Variants in PRKCE observed in about 807,000 individuals in gnomAD.
PRKCE encodes protein kinase C epsilon, also known as protein kinase C epsilon type.
A neutral mutation model predicts 85.4 loss-of-function variants in PRKCE; 16 were observed. The observed-to-expected ratio is 0.19, with a 90% CI of 0.13 to 0.28. The LOEUF (loss-of-function observed/expected upper bound fraction) is 0.28, where lower values mean the gene tolerates loss of function less well. PRKCE is among the 10% of genes least tolerant of loss of function. PRKCE has a pLI of 1.00. For synonymous variants in PRKCE, 388 were observed against 371.5 expected (o/e 1.04, Z -0.51); for missense variants, 573 against 975.2 (o/e 0.59, Z 5.49).
intron 9 of PRKCE, 48 bp downstream of exon 9, chr2:46,007,709 G>A (rs139134827): frequency 1.3e-6 from 2 of 1,553,306 alleles, no homozygotes; most frequent in African/African-American, 1.4e-5. Context: ...CTACTCCTTA[G>A]CATTGTTTCG....
chr2:45,842,718 T>C (rs1691454541), intron 1 of PRKCE, among the ~76,000 whole-genome samples: 1 of 152,184 alleles, frequency 6.6e-6, no homozygotes, highest in African/African-American at 2.4e-5. Flanking sequence ...AGCAGCACTC[T>C]CTCTCTCTCC....
At chr2:45,742,853 C>G (rs1368272311) in intron 1 of PRKCE, among the ~76,000 whole-genome samples, 1 of 152,188 alleles carries the variant, frequency 6.6e-6, no homozygotes, top group Non-Finnish European at 1.5e-5. Flanking sequence ...TTCACTGCAG[C>G]ATTATTTACA....
intron 1 of PRKCE, among the ~76,000 whole-genome samples, chr2:45,725,097 A>G (rs559606338): frequency 3.3e-5 from 5 of 152,242 alleles, no homozygotes; most frequent in Non-Finnish European, 7.3e-5. Context: ...TTAGGGGCTA[A>G]CACAGCTGGT....
At chr2:46,179,034 G>A (rs1014746339) in intron 14 of PRKCE, among the ~76,000 whole-genome samples, 2 of 152,160 alleles carry the variant, frequency 1.3e-5, no homozygotes, top group African/African-American at 4.8e-5. Flanking sequence ...ACCCCATGAG[G>A]CAGAGGACCT....
chr2:46,029,185 C>G (rs914393502), intron 10 of PRKCE, among the ~76,000 whole-genome samples: 1 of 152,106 alleles, frequency 6.6e-6, no homozygotes, highest in Non-Finnish European at 1.5e-5. Context: ...TTAATCTTTG[C>G]AATAGTCCTG....
intron 11 of PRKCE, among the ~76,000 whole-genome samples, chr2:46,098,826 G>A (rs1574467649): frequency 6.6e-6 from 1 of 151,960 alleles, no homozygotes; most frequent in African/African-American, 2.4e-5. Flanking sequence ...ACAAGTGGCA[G>A]CTTTGCCGTG....
chr2:45,958,189 G>A (rs145476000), intron 2 of PRKCE, among the ~76,000 whole-genome samples: 3,175 of 35,954 alleles, frequency 0.088, 58 homozygotes, highest in Admixed American at 0.12. Flanking sequence ...TATTAGGCCC[G>A]CAAAAAAAAA....
At chr2:45,926,407 A>G (rs1341075853) in intron 2 of PRKCE, among the ~76,000 whole-genome samples, 2 of 152,154 alleles carry the variant, frequency 1.3e-5, no homozygotes, top group Non-Finnish European at 2.9e-5. Context: ...GAAATCAGTG[A>G]GTTAGGTGAG....
chr2:46,137,216 G>A (rs1488805356), intron 11 of PRKCE, among the ~76,000 whole-genome samples: 1 of 152,190 alleles, frequency 6.6e-6, no homozygotes, highest in Non-Finnish European at 1.5e-5. Context: ...ACCTTATCCA[G>A]CTGGTAAGTG....
chr2:46,002,351 A>G (rs1704760317), intron 7 of PRKCE, among the ~76,000 whole-genome samples: 1 of 152,244 alleles, frequency 6.6e-6, no homozygotes, highest in Non-Finnish European at 1.5e-5. Context: ...AGTGGCGAAC[A>G]TCCTCAAGCC....
intron 1 of PRKCE, among the ~76,000 whole-genome samples, chr2:45,782,505 G>A (rs1034595865): frequency 5.3e-5 from 8 of 152,196 alleles, no homozygotes; most frequent in African/African-American, 1.2e-4. Flanking sequence ...TATCCCACAC[G>A]CGTCATAAAT....
chr2:45,988,314 A>G (rs1354805473), intron 6 of PRKCE, among the ~76,000 whole-genome samples: 1 of 152,222 alleles, frequency 6.6e-6, no homozygotes, highest in Non-Finnish European at 1.5e-5. Context: ...GGAGGGATCC[A>G]TGAGACTGTC....
intron 2 of PRKCE, among the ~76,000 whole-genome samples, chr2:45,900,952 C>T (rs1696532801): frequency 1.3e-5 from 2 of 152,270 alleles, no homozygotes; most frequent in Middle Eastern, 3.4e-3. Context: ...TAAGGCAATA[C>T]AGGTACTGTA....
At chr2:45,861,090 A>G (rs1032867965) in intron 2 of PRKCE, among the ~76,000 whole-genome samples, 1 of 152,180 alleles carries the variant, frequency 6.6e-6, no homozygotes, top group Non-Finnish European at 1.5e-5. Flanking sequence ...GCTTTTCAGG[A>G]AATCAGAACT....
intron 2 of PRKCE, among the ~76,000 whole-genome samples, chr2:45,890,253 C>G (rs1695622270): frequency 6.6e-6 from 1 of 152,148 alleles, no homozygotes; most frequent in Non-Finnish European, 1.5e-5. Context: ...TTAGTTATTA[C>G]CCATGGCCAG....
intron 1 of PRKCE, among the ~76,000 whole-genome samples, chr2:45,724,315 G>A (rs1388561579): frequency 6.6e-6 from 1 of 152,138 alleles, no homozygotes; most frequent in Non-Finnish European, 1.5e-5. Flanking sequence ...ATATAAGATG[G>A]TGAACTTAAT....
At chr2:45,967,543 A>G (rs1701814618) in intron 2 of PRKCE, among the ~76,000 whole-genome samples, 1 of 152,188 alleles carries the variant, frequency 6.6e-6, no homozygotes, top group Non-Finnish European at 1.5e-5. Flanking sequence ...ATCAACCATT[A>G]TAGTCAAGGT....
At chr2:46,153,781 CTTTTTTTTT>C (rs70937993) in intron 13 of PRKCE, among the ~76,000 whole-genome samples, 1 of 75,964 alleles carries the variant, frequency 1.3e-5, no homozygotes, top group Non-Finnish European at 2.6e-5. Flanking sequence ...TCTTCTTCTT[CTTTTTTTTT>C]TTTTTTTTTT....
chr2:46,158,815 G>T (rs975028792), intron 13 of PRKCE, among the ~76,000 whole-genome samples: 22 of 151,954 alleles, frequency 1.4e-4, no homozygotes, highest in African/African-American at 5.3e-4. Context: ...TTTCCCCAAG[G>T]TTTTATTGGT....
Sources: gnomAD v4.1 joint callset for allele counts (sites outside exome capture counted in the v4.1 genomes callset) on GRCh38, gnomAD v4.1.1 for gene constraint, MANE v1.5 for transcripts, NCBI Gene and HGNC (gene_info 2026-07-23, HGNC 2026-07-21) for gene names.